DIAPH2: variants seen among roughly 807,000 people sequenced by gnomAD.
DIAPH2 encodes diaphanous related formin 2, also known as protein diaphanous homolog 2.
In DIAPH2, 35 loss-of-function variants were observed where a neutral mutation model predicts 92.7. The ratio of observed to expected loss-of-function variants is 0.38; its 90% CI spans 0.29 to 0.50. DIAPH2 has a LOEUF of 0.50. Ranked by LOEUF, DIAPH2 falls within the 20% of genes least tolerant of loss-of-function variation. The probability of loss-of-function intolerance (pLI) is 0.94; values close to 1 mark genes in which losing one functional copy is unlikely to be tolerated. For synonymous variants in DIAPH2, 301 were observed against 280.4 expected (o/e 1.07, Z -0.73); for missense variants, 701 against 819.5 (o/e 0.86, Z 1.77).
rs187390121 is a variant in DIAPH2 at position 97,371,904 on chromosome X, A to G, written c.3010-12005A>G. On this transcript the variant is annotated intron_variant, in intron 24 of 26. Transcript: ENST00000324765. ...AATTTCATTCTGTTCCTTTGGTTCA[A>G]AAAATTGTAATTAATTTCCTATAGT... Among the ~76,000 whole-genome samples the G allele has an allele frequency of 2.1e-3, 237 of 112,296 alleles. 2 individuals carry two copies. The highest frequency in any genetic ancestry group is 7.2e-3 in the African/African-American group (222 of 30,966).
At chrX:97,453,240 G>T (rs940721104) in intron 26 of DIAPH2, among the ~76,000 whole-genome samples, 2 of 110,608 alleles carry the variant, frequency 1.8e-5, no homozygotes, top group African/African-American at 6.6e-5. Context: ...TTATTTGAAC[G>T]TAAGAATGTA....
chrX:97,239,896 C>G (rs1028131449), intron 22 of DIAPH2, among the ~76,000 whole-genome samples: 3 of 109,317 alleles, frequency 2.7e-5, no homozygotes, highest in Non-Finnish European at 5.7e-5. Flanking sequence ...CACACGCACA[C>G]GCACATGCAC....
chrX:96,730,173 G>T (rs371217784), intron 1 of DIAPH2, among the ~76,000 whole-genome samples: 1 of 111,945 alleles, frequency 8.9e-6, no homozygotes, highest in Non-Finnish European at 1.9e-5. Flanking sequence ...TTAAGTACAC[G>T]CAGTAAATAG....
chrX:96,687,359 A>G (rs2063776316), intron 1 of DIAPH2, among the ~76,000 whole-genome samples: 1 of 112,297 alleles, frequency 8.9e-6, no homozygotes, highest in Non-Finnish European at 1.9e-5. Flanking sequence ...TGGATTCATA[A>G]GGTATAAGGC....
intron 4 of DIAPH2, among the ~76,000 whole-genome samples, chrX:96,857,568 G>A (rs1326141727): frequency 8.9e-6 from 1 of 112,253 alleles, no homozygotes; most frequent in Non-Finnish European, 1.9e-5. Flanking sequence ...TCCTTTAGGG[G>A]TACCAAGCTA....
intron 4 of DIAPH2, among the ~76,000 whole-genome samples, chrX:96,868,686 G>C (rs1484954658): frequency 9.0e-6 from 1 of 111,415 alleles, no homozygotes; most frequent in African/African-American, 3.3e-5. Flanking sequence ...TACCATACCT[G>C]AATAAGCTCT....
rs929390747 is a variant in DIAPH2, at chrX:96,863,430, T to G, written c.448-18149T>G. Among the ~76,000 whole-genome samples, 6 of 110,525 alleles carry G rather than the reference T, an allele frequency of 5.4e-5. No homozygotes were observed. In the East Asian group the frequency reaches 1.4e-3, roughly 26 times the overall value. ...TTCAGCTTTCTTTTTAAAATAATATTTAATGTATTTCAATTATAAAAGTAA... is the reference window on the plus strand; with the variant it reads ...TTCAGCTTTCTTTTTAAAATAATATGTAATGTATTTCAATTATAAAAGTAA... On this transcript the variant is annotated intron_variant, in intron 4 of 26. Coordinates refer to ENST00000324765, the MANE Select transcript of DIAPH2 (RefSeq NM_006729.5).
intron 25 of DIAPH2, among the ~76,000 whole-genome samples, chrX:97,397,199 A>G (rs1199854881): frequency 2.7e-5 from 3 of 111,768 alleles, no homozygotes; most frequent in Non-Finnish European, 1.9e-5. Flanking sequence ...ATATATATCA[A>G]CAGTAGGTTT....
intron 9 of DIAPH2, among the ~76,000 whole-genome samples, chrX:96,924,789 A>G (rs908620814): frequency 9.0e-6 from 1 of 110,702 alleles, no homozygotes; most frequent in African/African-American, 3.3e-5. Context: ...GCACACTTGT[A>G]AACAACCAGA....
intron 21 of DIAPH2, among the ~76,000 whole-genome samples, chrX:97,140,976 A>G (rs2067205305): frequency 9.0e-6 from 1 of 111,714 alleles, no homozygotes; most frequent in Non-Finnish European, 1.9e-5. Context: ...TTAGTCTAGT[A>G]TGAGAATTAT....
intron 19 of DIAPH2, among the ~76,000 whole-genome samples, chrX:97,079,679 G>GA (rs1158131215): frequency 9.0e-6 from 1 of 111,236 alleles, no homozygotes; most frequent in African/African-American, 3.3e-5. Flanking sequence ...GTTTCCTCAT[G>GA]AAAAAAGTAA....
At chrX:97,118,304 T>TC (rs2067030446) in intron 21 of DIAPH2, among the ~76,000 whole-genome samples, 1 of 111,672 alleles carries the variant, frequency 9.0e-6, no homozygotes. Context: ...CCTTCTCCTT[T>TC]CCCTATGTTT....
chrX:97,287,856 G>A (rs1339631783), intron 23 of DIAPH2, among the ~76,000 whole-genome samples: 1 of 103,847 alleles, frequency 9.6e-6, no homozygotes, highest in Non-Finnish European at 2.0e-5. Flanking sequence ...GGGAGGCTGA[G>A]GCAGGAGAAT....
rs1326127528 is a variant in DIAPH2, at chrX:97,247,708, TC to T, written c.2720-6del. 1 of 1,203,142 alleles carries T rather than the reference TC, an allele frequency of 8.3e-7. No homozygotes were observed. The highest frequency in any genetic ancestry group is 1.1e-6 in the Non-Finnish European group (1 of 890,161). On this transcript the variant is annotated splice_polypyrimidine_tract_variant and splice_region_variant and intron_variant, in intron 22 of 26. Transcript: ENST00000324765. ...ATATTCTAAATCCTTTGCACACTGT[TC>T]TTTAGTTTCAGCTCAAATTCTCAAG...
intron 17 of DIAPH2, among the ~76,000 whole-genome samples, chrX:97,071,736 A>G (rs997295306): frequency 2.7e-5 from 3 of 112,164 alleles, no homozygotes; most frequent in African/African-American, 9.7e-5. Flanking sequence ...AACATCTATG[A>G]ACATATTGCC....
intron 17 of DIAPH2, among the ~76,000 whole-genome samples, chrX:96,990,438 GAGACAGCCCAGGCAGGCCATAGTAT>G (rs1477396219): frequency 9.0e-6 from 1 of 111,723 alleles, no homozygotes; most frequent in Non-Finnish European, 1.9e-5. Context: ...ATATAGTCTG[GAGACAGCCCAGGCAGGCCATAGTAT>G]AGACAGCCAC....
At chrX:97,425,964 A>G (rs528411467) in intron 25 of DIAPH2, among the ~76,000 whole-genome samples, 23 of 110,192 alleles carry the variant, frequency 2.1e-4, no homozygotes, top group Non-Finnish European at 3.8e-4. Flanking sequence ...AGGTAATCTC[A>G]TCCACCATCC....
At chrX:97,333,226 C>A (rs2069016888) in intron 23 of DIAPH2, among the ~76,000 whole-genome samples, 1 of 111,877 alleles carries the variant, frequency 8.9e-6, no homozygotes, top group African/African-American at 3.2e-5. Context: ...TGTCCTTGCT[C>A]CTTGTACTTC....
chrX:97,570,121 T>G (rs55723670), intron 26 of DIAPH2, among the ~76,000 whole-genome samples: 564 of 18,115 alleles, frequency 0.031, 9 homozygotes, highest in Non-Finnish European at 0.035. Flanking sequence ...TATATATATA[T>G]ATTAGAAGAT....
Sources: gnomAD v4.1 joint callset for allele counts (sites outside exome capture counted in the v4.1 genomes callset) on GRCh38, gnomAD v4.1.1 for gene constraint, MANE v1.5 for transcripts, NCBI Gene and HGNC (gene_info 2026-07-23, HGNC 2026-07-21) for gene names.